FSHR: variants seen among roughly 807,000 people sequenced by gnomAD.
FSHR encodes follicle stimulating hormone receptor, also known as follicle-stimulating hormone receptor.
In FSHR, 46 loss-of-function variants were observed where a neutral mutation model predicts 52.1. That is an observed-to-expected ratio of 0.88 (90% CI 0.70 to 1.13). FSHR has a LOEUF of 1.13. Among genes scored for constraint, FSHR ranks in the 50% most tolerant of loss-of-function variants. The pLI, the probability that FSHR is intolerant of heterozygous loss-of-function variation, is 0.00. For missense variants in FSHR, 964 were observed against 834.6 expected, an observed-to-expected ratio of 1.16 and a Z score of -1.91; for synonymous variants, 399 against 309.6, an observed-to-expected ratio of 1.29 and a Z score of -3.03.
chr2:49,101,012 A>C (rs1013315899), intron 1 of FSHR, among the ~76,000 whole-genome samples: 17 of 152,160 alleles, frequency 1.1e-4, no homozygotes, highest in African/African-American at 4.1e-4. Context: ...CATCAAAGAG[A>C]TGTAATAAGA....
intron 2 of FSHR, among the ~76,000 whole-genome samples, chr2:49,022,433 A>C (rs779372014): frequency 7.2e-5 from 11 of 152,136 alleles, no homozygotes; most frequent in Non-Finnish European, 1.3e-4. Context: ...AACAGGGTAC[A>C]GTCATGGAAA....
At chr2:49,095,772 C>A (rs1670803579) in intron 1 of FSHR, among the ~76,000 whole-genome samples, 1 of 152,060 alleles carries the variant, frequency 6.6e-6, no homozygotes, top group South Asian at 2.1e-4. Context: ...AACCCAACAA[C>A]AAAGGGACAA....
At chr2:49,056,117 C>T (rs1170939711) in intron 2 of FSHR, among the ~76,000 whole-genome samples, 1 of 151,836 alleles carries the variant, frequency 6.6e-6, no homozygotes, top group African/African-American at 2.4e-5. Context: ...CAATTAATTG[C>T]AAGAGTAAGT....
intron 1 of FSHR, among the ~76,000 whole-genome samples, chr2:49,110,944 C>A (rs1469758826): frequency 4.6e-5 from 7 of 152,034 alleles, no homozygotes; most frequent in Admixed American, 4.6e-4. Context: ...GCTAGCCTAC[C>A]CTTATTAACA....
At chr2:49,053,098 T>A (rs1228743726) in intron 2 of FSHR, among the ~76,000 whole-genome samples, 1 of 152,230 alleles carries the variant, frequency 6.6e-6, no homozygotes, top group East Asian at 1.9e-4. Flanking sequence ...CTCATTTCTA[T>A]ATGCAAATAA....
At chr2:49,101,683 C>A (rs1044992081) in intron 1 of FSHR, among the ~76,000 whole-genome samples, 9 of 152,022 alleles carry the variant, frequency 5.9e-5, no homozygotes, top group African/African-American at 2.2e-4. Flanking sequence ...ATATCTGAAC[C>A]AAATATCTGA....
At chr2:49,116,536 A>G (rs1337907000) in intron 1 of FSHR, among the ~76,000 whole-genome samples, 2 of 152,196 alleles carry the variant, frequency 1.3e-5, no homozygotes, top group Non-Finnish European at 2.9e-5. Context: ...TGTGAGGATT[A>G]AATGAGGTAA....
At position 48,968,785 on chromosome 2, in the gene FSHR, G is replaced by T; in HGVS notation, c.767C>A (p.Pro256His). The change falls in exon 9 of 10, where the codon CCT becomes CAT. Residue 256 changes from proline (P) to histidine (H), a missense_variant. By Grantham distance (77) the Pro-to-His change is moderately conservative. Coordinates refer to ENST00000406846, the MANE Select transcript of FSHR (RefSeq NM_000145.4). The part of the protein sequence containing the change: ...ARSTYNLKKL[P>H]TLEKLVALME... ...GAGGGCGACAAGCTTTTCCAGAGTAGGCAGCTTTTTTAAGTTGTAAGTCGA... is the reference window on the plus strand; with the variant it reads ...GAGGGCGACAAGCTTTTCCAGAGTATGCAGCTTTTTTAAGTTGTAAGTCGA... The T allele has an allele frequency of 6.2e-7, 1 of 1,614,108 alleles. No homozygotes were observed. The highest frequency in any genetic ancestry group is 8.5e-7 in the Non-Finnish European group (1 of 1,179,998).
Position 48,963,650 on chromosome 2 carries a change from G to A in FSHR, c.1171C>T (p.Gln391Ter). Residue 391 changes from glutamine (Q) to a stop codon, truncating the protein, a stop_gained, in exon 10 of 10, where the codon CAA becomes TAA. Transcript: ENST00000406846. LOFTEE classifies it high-confidence loss of function. ...IIVLVILTTS[Q>*]YKLTVPRFLM... is the part of the protein sequence containing the mutation. ...AACCTGGGGACTGTGAGTTTATATT[G>A]GCTGGTAGTTAGGATCACTAGCACT... 6.2e-7 allele frequency: 1 copy of A among 1,614,154 alleles called. No homozygotes were observed. The highest frequency in any genetic ancestry group is 8.5e-7 in the Non-Finnish European group (1 of 1,180,024).
chr2:49,063,448 A>G (rs200253375), intron 2 of FSHR, among the ~76,000 whole-genome samples: 6 of 148,914 alleles, frequency 4.0e-5, no homozygotes, highest in African/African-American at 1.2e-4. Context: ...ATATATATAT[A>G]TGTATGTGAC....
chr2:49,127,835 C>CTTT (rs1558456717), intron 1 of FSHR, among the ~76,000 whole-genome samples: 1 of 11,938 alleles, frequency 8.4e-5, no homozygotes, highest in Non-Finnish European at 1.2e-4. Flanking sequence ...TCTTCCTCTT[C>CTTT]TTCTTCTTCT....
chr2:49,067,444 T>C (rs573154604), intron 2 of FSHR, among the ~76,000 whole-genome samples: 1 of 152,292 alleles, frequency 6.6e-6, no homozygotes, highest in South Asian at 2.1e-4. Flanking sequence ...CATTCCCTTC[T>C]GTATATACTC....
At chr2:49,137,658 C>A (rs550948682) in intron 1 of FSHR, among the ~76,000 whole-genome samples, 15 of 152,142 alleles carry the variant, frequency 9.9e-5, no homozygotes, top group African/African-American at 2.9e-4. Context: ...GGAACAGAAA[C>A]AATGAGAGTC....
At chr2:49,047,382 A>T (rs908226807) in intron 2 of FSHR, among the ~76,000 whole-genome samples, 2 of 152,204 alleles carry the variant, frequency 1.3e-5, no homozygotes, top group Non-Finnish European at 1.5e-5. Flanking sequence ...AAATAATCTG[A>T]GTTTTCCACC....
At chr2:49,091,132 C>A (rs1246006309) in intron 1 of FSHR, among the ~76,000 whole-genome samples, 2 of 136,576 alleles carry the variant, frequency 1.5e-5, no homozygotes, top group African/African-American at 2.7e-5. Flanking sequence ...TCCAACTTAC[C>A]ATTTTTTTTT....
chr2:48,970,544 T>A (rs1674697438), intron 8 of FSHR, among the ~76,000 whole-genome samples: 1 of 152,210 alleles, frequency 6.6e-6, no homozygotes, highest in South Asian at 2.1e-4. Context: ...GTTCTTTAAA[T>A]ATTAGTATAT....
intron 8 of FSHR, among the ~76,000 whole-genome samples, chr2:48,982,087 C>T (rs1675274875): frequency 6.6e-6 from 1 of 152,158 alleles, no homozygotes; most frequent in Non-Finnish European, 1.5e-5. Context: ...CCCAGGAACA[C>T]ATTTTTAAAA....
At chr2:49,055,226 C>G (rs915236807) in intron 2 of FSHR, among the ~76,000 whole-genome samples, 2 of 151,240 alleles carry the variant, frequency 1.3e-5, no homozygotes, top group Non-Finnish European at 2.9e-5. Context: ...CTTAAAAAAT[C>G]AATTAATAAA....
intron 1 of FSHR, among the ~76,000 whole-genome samples, chr2:49,122,445 T>C (rs1270803248): frequency 6.6e-6 from 1 of 152,206 alleles, no homozygotes. Context: ...CACTTGTCTC[T>C]TGCTCTCAAT....
Sources: allele counts gnomAD v4.1 joint callset (sites outside exome capture counted in the v4.1 genomes callset), GRCh38; gene constraint gnomAD v4.1.1; transcripts MANE v1.5; gene names NCBI Gene and HGNC (gene_info 2026-07-23, HGNC 2026-07-21).